CASD1: variants seen among roughly 807,000 people sequenced by gnomAD.
The protein encoded by CASD1 is CAS1 domain sialic acid O acetyltransferase 1.
In CASD1, 41 loss-of-function variants were observed where a neutral mutation model predicts 100.0. That is an observed-to-expected ratio of 0.41 (90% confidence interval 0.32 to 0.53). The LOEUF (loss-of-function observed/expected upper bound fraction) is 0.53. Ranked by LOEUF, CASD1 falls within the 20% of genes least tolerant of loss-of-function variation. The pLI is 0.25. For missense variants in CASD1, 774 were observed against 948.7 expected (o/e 0.82, Z 2.42); for synonymous variants, 321 against 315.6 (o/e 1.02, Z -0.18).
the CASD1 span, among the ~76,000 whole-genome samples, chr7:94,608,178 C>T: frequency 1.3e-5 from 2 of 152,068 alleles, no homozygotes; most frequent in African/African-American, 4.8e-5. Flanking sequence ...ACCATCTCTA[C>T]TAAAAATACA....
chr7:94,598,371 A>T, the CASD1 span: 1 of 192,232 alleles, frequency 5.2e-6, no homozygotes, highest in South Asian at 9.4e-5. Context: ...AAAAATTTAG[A>T]TTACAAAGGT....
chr7:94,519,992 C>T (rs758928445), intron 3 of CASD1, among the ~76,000 whole-genome samples: 2 of 152,060 alleles, frequency 1.3e-5, no homozygotes, highest in Non-Finnish European at 2.9e-5. Context: ...GTTTCTGAGC[C>T]CTAGTTGCAA....
intron 12 of CASD1, 80 bp from the exon 13 acceptor site, chr7:94,547,016 A>G: frequency 3.7e-6 from 3 of 802,738 alleles, no homozygotes; most frequent in Non-Finnish European, 5.9e-6. Flanking sequence ...TTCAGCATGT[A>G]CATATATCAA....
chr7:94,562,979 A>G, the CASD1 span, among the ~76,000 whole-genome samples: 4 of 152,122 alleles, frequency 2.6e-5, no homozygotes, highest in Non-Finnish European at 5.9e-5. Flanking sequence ...CCTTCAGAAA[A>G]ATAAGAGACA....
the CASD1 span, among the ~76,000 whole-genome samples, chr7:94,575,055 G>A: frequency 1.3e-5 from 2 of 152,072 alleles, no homozygotes; most frequent in Non-Finnish European, 2.9e-5. Context: ...CTTCAGTTCA[G>A]CTCTAATTTT....
intron 10 of CASD1, among the ~76,000 whole-genome samples, chr7:94,539,664 G>A (rs9641133): frequency 0.52 from 73,520 of 141,788 alleles, 19,927 homozygotes; most frequent in South Asian, 0.73. Flanking sequence ...GTGAGACTCC[G>A]TCTCAAAAAA....
chr7:94,521,631 T>C (rs1794277556), intron 3 of CASD1, among the ~76,000 whole-genome samples: 1 of 152,160 alleles, frequency 6.6e-6, no homozygotes, highest in Non-Finnish European at 1.5e-5. Flanking sequence ...ACCAAACTCA[T>C]CTAATGCCAA....
chr7:94,536,355 A>G (rs1334421132), intron 8 of CASD1, among the ~76,000 whole-genome samples: 2 of 152,244 alleles, frequency 1.3e-5, no homozygotes, highest in Admixed American at 6.5e-5. Context: ...TAGGTTAAGT[A>G]TGAAGGAGAA....
the CASD1 span, among the ~76,000 whole-genome samples, chr7:94,586,328 C>T: frequency 7.9e-5 from 12 of 152,020 alleles, no homozygotes; most frequent in East Asian, 9.7e-4. Flanking sequence ...GAAAAGCTGC[C>T]GTACTCACAA....
At chr7:94,518,682 T>A (rs902461906) in intron 3 of CASD1, among the ~76,000 whole-genome samples, 8 of 152,188 alleles carry the variant, frequency 5.3e-5, no homozygotes, top group African/African-American at 1.7e-4. Context: ...TCTCTTTTTT[T>A]AAAAAAACAT....
At chr7:94,628,065 G>T in the CASD1 span, 1 of 663,888 alleles carries the variant, frequency 1.5e-6, no homozygotes, top group Non-Finnish European at 2.7e-6. Context: ...TATCTACTGT[G>T]TTTCCATGCA....
chr7:94,526,933 T>G (rs574149298), intron 3 of CASD1, among the ~76,000 whole-genome samples: 34 of 152,374 alleles, frequency 2.2e-4, no homozygotes, highest in Middle Eastern at 3.4e-3. Flanking sequence ...ATTTTTGAAC[T>G]ATATCTTAGA....
chr7:94,518,675 CTT>C (rs1185562546), intron 3 of CASD1, among the ~76,000 whole-genome samples: 2 of 151,946 alleles, frequency 1.3e-5, no homozygotes, highest in East Asian at 3.9e-4. Context: ...TTGCTCATCT[CTT>C]TTTTTAAAAA....
the CASD1 span, among the ~76,000 whole-genome samples, chr7:94,608,202 C>T: frequency 1.3e-5 from 2 of 152,260 alleles, no homozygotes; most frequent in African/African-American, 4.8e-5. Flanking sequence ...ATTAGCTGGG[C>T]ATGGTGGCAC....
chr7:94,539,941 G>A (rs1380099340), intron 10 of CASD1, among the ~76,000 whole-genome samples: 1 of 152,146 alleles, frequency 6.6e-6, no homozygotes, highest in African/African-American at 2.4e-5. Context: ...GTGCTAAGTA[G>A]TATTATCTCC....
chr7:94,525,726 TAA>T (rs981639668), intron 3 of CASD1, among the ~76,000 whole-genome samples: 1 of 152,178 alleles, frequency 6.6e-6, no homozygotes, highest in African/African-American at 2.4e-5. Context: ...CAAAGAAACT[TAA>T]AGTTTCACTG....
chr7:94,551,534 T>C, intron 15 of CASD1, 56 bp downstream of exon 15: 3 of 680,890 alleles, frequency 4.4e-6, no homozygotes, highest in Non-Finnish European at 6.4e-6. Flanking sequence ...AACATTAAGA[T>C]ATGGAAATAT....
At chr7:94,524,950 A>T (rs971017429) in intron 3 of CASD1, among the ~76,000 whole-genome samples, 1 of 152,126 alleles carries the variant, frequency 6.6e-6, no homozygotes, top group African/African-American at 2.4e-5. Flanking sequence ...AAAAAATTGG[A>T]TATGGACTGT....
At chr7:94,517,341 G>A (rs577789063) in intron 1 of CASD1, among the ~76,000 whole-genome samples, 7 of 152,312 alleles carry the variant, frequency 4.6e-5, no homozygotes, top group East Asian at 1.9e-4. Flanking sequence ...ATCATTAGGA[G>A]TTAGGTGAAG....
Sources: allele counts gnomAD v4.1 joint callset (sites outside exome capture counted in the v4.1 genomes callset), GRCh38; gene constraint gnomAD v4.1.1; transcripts MANE v1.5; gene names NCBI Gene and HGNC (gene_info 2026-07-23, HGNC 2026-07-21).